PRDM10: variants seen among roughly 807,000 people sequenced by gnomAD.
PRDM10 encodes PR domain zinc finger protein 10.
Under a neutral mutation model 133.1 loss-of-function variants are expected in PRDM10, and 65 were observed. That is an observed-to-expected ratio of 0.49 (90% CI 0.40 to 0.60). PRDM10 has a LOEUF of 0.60. Among genes scored for constraint, PRDM10 ranks in the 20% least tolerant of loss-of-function variants. The pLI is 0.00. For synonymous variants in PRDM10, 582 were observed against 580.4 expected (o/e 1.00, Z -0.04); for missense variants, 1,137 against 1,507.1 (o/e 0.75, Z 4.07).
chr11:129,927,295 T>G (rs1950714143), intron 11 of PRDM10, among the ~76,000 whole-genome samples: 1 of 151,902 alleles, frequency 6.6e-6, no homozygotes, highest in Non-Finnish European at 1.5e-5. Context: ...TTTTTAACTC[T>G]GTCTGGATAC....
chr11:129,928,124 G>C (rs531690030), intron 11 of PRDM10, among the ~76,000 whole-genome samples: 3 of 152,234 alleles, frequency 2.0e-5, no homozygotes, highest in Non-Finnish European at 2.9e-5. Flanking sequence ...TTGTTTTTTA[G>C]AGATGGGGTC....
At chr11:129,943,214 A>C (rs556491340) in intron 6 of PRDM10, among the ~76,000 whole-genome samples, 1 of 152,356 alleles carries the variant, frequency 6.6e-6, no homozygotes, top group South Asian at 2.1e-4. Context: ...TCAGCTGTAA[A>C]GAGATGACTA....
chr11:129,993,088 C>A (rs1938839334), intron 1 of PRDM10, among the ~76,000 whole-genome samples: 1 of 152,156 alleles, frequency 6.6e-6, no homozygotes, highest in Non-Finnish European at 1.5e-5. Context: ...TATATCTGTA[C>A]CAGCCATCTA....
At chr11:129,937,533 A>T (rs1951071637) in intron 8 of PRDM10, 65 bp downstream of exon 8, 1 of 1,465,884 alleles carries the variant, frequency 6.8e-7, no homozygotes, top group Non-Finnish European at 9.2e-7. Flanking sequence ...TAGAGGTTTC[A>T]TAAAGATGTG....
At chr11:129,946,520 A>C (rs1951416931) in intron 5 of PRDM10, among the ~76,000 whole-genome samples, 1 of 152,116 alleles carries the variant, frequency 6.6e-6, no homozygotes, top group Non-Finnish European at 1.5e-5. Flanking sequence ...AAAGAAACTG[A>C]TGGTTTCTTG....
intron 1 of PRDM10, among the ~76,000 whole-genome samples, chr11:129,996,363 G>A (rs1243176335): frequency 1.3e-5 from 2 of 152,164 alleles, no homozygotes; most frequent in Non-Finnish European, 2.9e-5. Flanking sequence ...CTGTTTTTGT[G>A]CAGCCTGTGA....
At chr11:129,925,304 A>G in intron 11 of PRDM10, 75 bp from the exon 12 acceptor site, 1 of 1,334,354 alleles carries the variant, frequency 7.5e-7, no homozygotes, top group Non-Finnish European at 1.0e-6. Flanking sequence ...TTACAGAGAA[A>G]GAGAGGATGA....
chr11:129,954,757 T>C (rs999181), intron 4 of PRDM10, among the ~76,000 whole-genome samples: 37,522 of 152,072 alleles, frequency 0.25, 7,276 homozygotes, highest in East Asian at 0.62. Context: ...ACTGCAGCCT[T>C]GAACATCTGA....
chr11:129,951,494 C>T (rs1951581200), intron 4 of PRDM10, among the ~76,000 whole-genome samples: 1 of 152,194 alleles, frequency 6.6e-6, no homozygotes, highest in African/African-American at 2.4e-5. Context: ...TGAAGCAAAA[C>T]CATTTTAATC....
chr11:129,968,601 A>G (rs921985675), intron 1 of PRDM10, among the ~76,000 whole-genome samples: 8 of 151,112 alleles, frequency 5.3e-5, no homozygotes, highest in Non-Finnish European at 1.0e-4. Context: ...CCACCCCGCA[A>G]TCCTACCCCC....
intron 20 of PRDM10, among the ~76,000 whole-genome samples, chr11:129,903,394 A>G (rs1170601026): frequency 1.3e-5 from 2 of 151,828 alleles, no homozygotes; most frequent in Non-Finnish European, 1.5e-5. Flanking sequence ...AAACGCGACC[A>G]TCAAATAGAC....
Position 129,947,192 on chromosome 11 carries a change from T to G in PRDM10, c.473A>C (p.Asp158Ala). ...CCGGGGCGGGTCTGGCTCCCAGTCA[T>G]CCAGATCCGTGTCCTCACCGTCTTC... Reference protein sequence around the residue: ...EEEDGEDTDLDDWEPDPPRPF... With the variant: ...EEEDGEDTDLADWEPDPPRPF... Residue 158 changes from aspartate to alanine, a missense_variant, in exon 5 of 21, where the codon GAT becomes GCT. Asp to Ala is a moderately radical substitution (Grantham distance 126). This residue lies in a region of PRDM10 where 635 missense variants were observed against 835.2 expected (regional missense o/e 0.76). Coordinates refer to ENST00000360871, the MANE Select transcript of PRDM10 (RefSeq NM_199437.2). This position sits in a 1 kb window ranked among gnomAD's most constrained non-coding sequence, Gnocchi z 4.6. The G allele has an allele frequency of 6.2e-7, 1 of 1,614,140 alleles. No individual in the cohort carries two copies. Among genetic ancestry groups the G allele is most frequent in the Non-Finnish European group, 8.5e-7 (1 of 1,180,022 alleles).
At chr11:129,973,487 T>C (rs1288109957) in intron 1 of PRDM10, among the ~76,000 whole-genome samples, 3 of 152,236 alleles carry the variant, frequency 2.0e-5, no homozygotes, top group Non-Finnish European at 4.4e-5. Context: ...TTTGATGACA[T>C]TTTGAATGTA....
intron 17 of PRDM10, 179 bp downstream of exon 17, chr11:129,914,525 A>G: frequency 1.2e-6 from 1 of 843,958 alleles, no homozygotes; most frequent in Non-Finnish European, 1.9e-6. Flanking sequence ...GAAATCTCTT[A>G]CATTGCTAAG....
At chr11:130,002,488 GC>G (rs1442616720) in intron 1 of PRDM10, among the ~76,000 whole-genome samples, 6 of 152,082 alleles carry the variant, frequency 3.9e-5, no homozygotes, top group Admixed American at 3.9e-4. Flanking sequence ...CCTCGTCCCA[GC>G]CCCGGCTGGA....
chr11:129,910,124 T>C (rs1299911060), intron 19 of PRDM10, among the ~76,000 whole-genome samples: 1 of 152,258 alleles, frequency 6.6e-6, no homozygotes, highest in Non-Finnish European at 1.5e-5. Flanking sequence ...AGAATATTAA[T>C]CTTGGCATAG....
intron 1 of PRDM10, among the ~76,000 whole-genome samples, chr11:129,962,166 C>T (rs1205574111): frequency 6.6e-6 from 1 of 152,192 alleles, no homozygotes; most frequent in Non-Finnish European, 1.5e-5. Context: ...ACAATACCTG[C>T]ATCTCAAAAT....
At chr11:129,960,852 G>C (rs1236013127) in intron 2 of PRDM10, 44 bp downstream of exon 2, 1 of 1,604,288 alleles carries the variant, frequency 6.2e-7, no homozygotes, top group African/African-American at 1.3e-5. Context: ...ACTGAGTCCA[G>C]CTGAAAACCT....
At chr11:129,905,324 C>A (rs1315674031) in intron 20 of PRDM10, among the ~76,000 whole-genome samples, 1 of 143,272 alleles carries the variant, frequency 7.0e-6, no homozygotes, top group South Asian at 2.2e-4. Flanking sequence ...GATTGCACCA[C>A]TGCACTCCAG....
Sources: allele counts gnomAD v4.1 joint callset (sites outside exome capture counted in the v4.1 genomes callset), GRCh38; gene constraint gnomAD v4.1.1; regional missense constraint gnomAD v4.1.1; non-coding constraint Gnocchi (gnomAD v3.1); transcripts MANE v1.5; gene names NCBI Gene and HGNC (gene_info 2026-07-23, HGNC 2026-07-21).